Variants in EYS observed in about 807,000 individuals in gnomAD.
EYS encodes the protein protein eyes shut homolog.
A neutral mutation model predicts 282.1 loss-of-function variants in EYS; 250 were observed. The ratio of observed to expected loss-of-function variants is 0.89; its 90% CI spans 0.80 to 0.98. The LOEUF (loss-of-function observed/expected upper bound fraction) is 0.98, where lower values mean the gene tolerates loss of function less well. Among genes scored for constraint, EYS ranks in the 50% least tolerant of loss-of-function variants. The pLI, the probability that EYS is intolerant of heterozygous loss-of-function variation, is 0.00. For synonymous variants in EYS, 1,355 were observed against 1,282.9 expected (o/e 1.06, Z -1.20); for missense variants, 4,016 against 3,709.0 (o/e 1.08, Z -2.15).
chr6:64,250,181 AC>A (rs1423890555), intron 30 of EYS, among the ~76,000 whole-genome samples: 1 of 152,220 alleles, frequency 6.6e-6, no homozygotes, highest in Non-Finnish European at 1.5e-5. Flanking sequence ...TATTATTTTG[AC>A]CTTTTAAAAA....
chr6:63,955,750 AC>A (rs1446379641), intron 35 of EYS, among the ~76,000 whole-genome samples: 1 of 152,012 alleles, frequency 6.6e-6, no homozygotes, highest in Non-Finnish European at 1.5e-5. Context: ...AGCCCAAAAA[AC>A]TCACCAACCA....
At chr6:65,696,612 C>CA (rs1735360659) in intron 1 of EYS, among the ~76,000 whole-genome samples, 5 of 151,848 alleles carry the variant, frequency 3.3e-5, no homozygotes, top group Non-Finnish European at 4.4e-5. Context: ...GATATGGAAA[C>CA]CTCTTCAAAT....
In EYS at chr6:65,217,472, A is replaced by T. The variant is rs191413721; in HGVS notation, c.2023+78391T>A. ...TAAAGATGGCCTAGCATTCTAAAAA[A>T]TGCCAATAAATATTTGTCAAACACT... On this transcript the variant is annotated intron_variant, in intron 12 of 42. Coordinates refer to ENST00000503581, the MANE Select transcript of EYS (RefSeq NM_001142800.2). 3.3e-5 allele frequency among the ~76,000 whole-genome samples: 5 copies of T among 152,220 alleles called. No individual in the cohort carries two copies. In the East Asian group the frequency reaches 7.7e-4, roughly 23 times the overall value.
intron 22 of EYS, among the ~76,000 whole-genome samples, chr6:64,660,715 C>T (rs1449688784): frequency 6.6e-6 from 1 of 152,120 alleles, no homozygotes; most frequent in Non-Finnish European, 1.5e-5. Context: ...GAACTACAAA[C>T]CACTGCTCAA....
In EYS at chr6:64,517,362, G is replaced by T. The variant is rs192419363; in HGVS notation, c.5644+72861C>A. On this transcript the variant is annotated intron_variant, in intron 26 of 42. Coordinates refer to ENST00000503581, the MANE Select transcript of EYS (RefSeq NM_001142800.2). ...CAGGAGAGAATTTTGGGAAGATTTT[G>T]GTAAATAAGCAATAGGCAGTGGGTA... 8.9e-4 allele frequency among the ~76,000 whole-genome samples: 135 copies of T among 151,872 alleles called. 1 individual carries two copies. The highest frequency in any genetic ancestry group is 1.4e-3 in the Non-Finnish European group (94 of 67,824).
chr6:65,417,165 A>C (rs1767271254), intron 5 of EYS, among the ~76,000 whole-genome samples: 1 of 151,952 alleles, frequency 6.6e-6, no homozygotes, highest in South Asian at 2.1e-4. Flanking sequence ...ATTCATTGTA[A>C]AGTTGTAGTA....
chr6:64,658,874 T>C (rs1212607597), intron 22 of EYS, among the ~76,000 whole-genome samples: 2 of 152,214 alleles, frequency 1.3e-5, no homozygotes, highest in Admixed American at 1.3e-4. Context: ...AACTCAGCTC[T>C]GCACCAAGTG....
At chr6:65,355,963 A>T (rs576025226) in intron 8 of EYS, among the ~76,000 whole-genome samples, 1 of 152,226 alleles carries the variant, frequency 6.6e-6, no homozygotes, top group African/African-American at 2.4e-5. Flanking sequence ...TTGATCCAGC[A>T]ATTGCACTAC....
chr6:63,731,401 T>G (rs541610338), intron 41 of EYS, among the ~76,000 whole-genome samples: 35 of 152,350 alleles, frequency 2.3e-4, no homozygotes, highest in African/African-American at 8.2e-4. Context: ...TTTTAAAATG[T>G]CTTCTGAGTC....
At chr6:63,828,149 A>C (rs1346375755) in intron 36 of EYS, among the ~76,000 whole-genome samples, 3 of 152,324 alleles carry the variant, frequency 2.0e-5, no homozygotes, top group Admixed American at 1.3e-4. Flanking sequence ...GAAAGCACAC[A>C]GTCTAAGGTT....
At chr6:64,282,600 G>A (rs1304446436) in intron 30 of EYS, among the ~76,000 whole-genome samples, 3 of 152,080 alleles carry the variant, frequency 2.0e-5, no homozygotes, top group African/African-American at 7.2e-5. Flanking sequence ...AGAGAAACAA[G>A]CTATTCTTGT....
At chr6:65,289,093 G>T (rs1768450811) in intron 12 of EYS, among the ~76,000 whole-genome samples, 1 of 150,986 alleles carries the variant, frequency 6.6e-6, no homozygotes, top group Admixed American at 6.6e-5. Context: ...TACATAAAAT[G>T]AAAGTAGGTG....
At chr6:65,409,158 G>T (rs972812209) in intron 5 of EYS, among the ~76,000 whole-genome samples, 2 of 152,156 alleles carry the variant, frequency 1.3e-5, no homozygotes, top group East Asian at 3.9e-4. Flanking sequence ...CAGCAGAGTT[G>T]TACAGTGAGG....
intron 26 of EYS, among the ~76,000 whole-genome samples, chr6:64,505,140 T>A (rs1025400130): frequency 6.6e-6 from 1 of 152,148 alleles, no homozygotes; most frequent in Non-Finnish European, 1.5e-5. Flanking sequence ...TACAGAATAA[T>A]GTTGGAGTTC....
At chr6:63,792,447 C>T (rs1408140535) in intron 37 of EYS, among the ~76,000 whole-genome samples, 1 of 151,988 alleles carries the variant, frequency 6.6e-6, no homozygotes, top group Non-Finnish European at 1.5e-5. Context: ...CCTAGAAGTC[C>T]TTTACAATCA....
rs534339780 is a variant in EYS, at chr6:64,064,034, T to C, written c.6725+2304A>G. 4.6e-5 allele frequency among the ~76,000 whole-genome samples: 7 copies of C among 152,334 alleles called. No homozygotes were observed. The East Asian group carries it at 1.2e-3, about 25-fold the overall frequency. On this transcript the variant is annotated intron_variant, in intron 33 of 42. Transcript: ENST00000503581. The stretch of plus-strand genomic sequence containing the variant: ...TGCCTGAAACTCATAACCACTGCTT[T>C]GCCTGTGTTTTCTTTTACTAAGTTT...
chr6:65,696,189 A>G (rs1262420284), intron 1 of EYS, among the ~76,000 whole-genome samples: 1 of 152,022 alleles, frequency 6.6e-6, no homozygotes, highest in Non-Finnish European at 1.5e-5. Context: ...TTCCTGAGCC[A>G]GTATGCCTGT....
At position 65,494,687 on chromosome 6, in the gene EYS, A is replaced by C; in HGVS notation, c.724T>G (p.Cys242Gly). 1 of 1,579,584 alleles carries C rather than the reference A, an allele frequency of 6.3e-7. No homozygotes were observed. The highest frequency in any genetic ancestry group is 8.6e-7 in the Non-Finnish European group (1 of 1,160,724). Residue 242 changes from cysteine (C) to glycine (G), a missense_variant, in exon 4 of 43, where the codon TGT becomes GGT. Transcript: ENST00000503581. Reference sequence around the variant, plus strand: ...CCTGTAAATGGTGGGTGACAGACACATTCATATGCTTGCTCATCCCAATTT... The same window carrying C: ...CCTGTAAATGGTGGGTGACAGACACCTTCATATGCTTGCTCATCCCAATTT... The part of the protein sequence containing the change: ...RENWDEQAYE[C>G]VCHPPFTGKN...
intron 8 of EYS, among the ~76,000 whole-genome samples, chr6:65,372,779 A>C (rs1204382912): frequency 2.6e-5 from 4 of 152,138 alleles, no homozygotes; most frequent in Admixed American, 1.3e-4. Context: ...AATTATAAAG[A>C]AAATGAATTG....
Sources: gnomAD v4.1 joint callset for allele counts (sites outside exome capture counted in the v4.1 genomes callset) on GRCh38, gnomAD v4.1.1 for gene constraint, MANE v1.5 for transcripts, NCBI Gene and HGNC (gene_info 2026-07-23, HGNC 2026-07-21) for gene names.